Variants in FAT2 observed in about 807,000 individuals in gnomAD.
The protein encoded by FAT2 is FAT atypical cadherin 2.
In FAT2, 150 loss-of-function variants were observed where a neutral mutation model predicts 295.3. The observed-to-expected ratio is 0.51, with a 90% CI of 0.44 to 0.58. The LOEUF (loss-of-function observed/expected upper bound fraction) is 0.58. FAT2 is among the 20% of genes least tolerant of loss of function. FAT2 has a pLI of 0.00. For synonymous variants in FAT2, 2,026 were observed against 2,150.3 expected, an observed-to-expected ratio of 0.94 and a Z score of 1.60; for missense variants, 4,868 against 5,442.7, an observed-to-expected ratio of 0.89 and a Z score of 3.32.
chr5:151,513,888 A>G (rs1000606738), intron 20 of FAT2, among the ~76,000 whole-genome samples: 1 of 152,238 alleles, frequency 6.6e-6, no homozygotes, highest in Non-Finnish European at 1.5e-5. Flanking sequence ...TATAACCCAC[A>G]TAACCAAAAC....
intron 1 of FAT2, among the ~76,000 whole-genome samples, chr5:151,587,986 C>T (rs541245221): frequency 3.3e-5 from 5 of 152,282 alleles, no homozygotes; most frequent in South Asian, 4.1e-4. Context: ...CCAACCCAGG[C>T]AAACTGGCTG....
intron 22 of FAT2, among the ~76,000 whole-genome samples, chr5:151,507,900 C>T (rs1448755753): frequency 1.3e-5 from 2 of 152,156 alleles, no homozygotes; most frequent in African/African-American, 4.8e-5. Context: ...ATCATGAGGT[C>T]GGATTTCCTC....
At position 151,567,290 on chromosome 5, in the gene FAT2, C is replaced by T; in HGVS notation, c.1642G>A (p.Val548Met). ...TTCCTGAGCTGAAGAAAAATGGACA[C>T]TTCCTTCTCCCGGCGAAAAGGGGAT... The part of the protein sequence containing the change: ...WGSPFRREKE[V>M]SIFLQLRNLN... The change falls in exon 2 of 24, where the codon GTG becomes ATG. Residue 548 changes from valine (V) to methionine (M), a missense_variant. By Grantham distance (21) the Val-to-Met change is conservative. Coordinates refer to ENST00000261800, the MANE Select transcript of FAT2 (RefSeq NM_001447.3). 6.2e-7 allele frequency: 1 copy of T among 1,614,098 alleles called. No individual in the cohort carries two copies. Among genetic ancestry groups the T allele is most frequent in the East Asian group, 2.2e-5 (1 of 44,892 alleles).
intron 1 of FAT2, among the ~76,000 whole-genome samples, chr5:151,588,440 C>A (rs1050875546): frequency 6.6e-6 from 1 of 152,202 alleles, no homozygotes; most frequent in Non-Finnish European, 1.5e-5. Flanking sequence ...TGAGGCCTCA[C>A]CGTTACCAAC....
At position 151,568,674 on chromosome 5, in the gene FAT2, C is replaced by A. The variant is rs2127650544; in HGVS notation, c.258G>T (p.Glu86Asp). 1 of 1,614,216 alleles carries A rather than the reference C, an allele frequency of 6.2e-7. No homozygotes were observed. Among genetic ancestry groups the A allele is most frequent in the Non-Finnish European group, 8.5e-7 (1 of 1,180,048 alleles). The change falls in exon 2 of 24, where the codon GAG becomes GAT. Residue 86 changes from glutamate to aspartate, a missense_variant. Around this residue, in one of 5 missense-constraint regions of FAT2, gnomAD observed 3,297 missense variants for 3,669.4 expected, o/e 0.90. Coordinates refer to ENST00000261800, the MANE Select transcript of FAT2 (RefSeq NM_001447.3). Reference sequence around the variant, plus strand: ...GGAAGCAGAAGTTGCCCACCACATACTCCTCAGTTTTAAATACATTGGCCA... The same window carrying A: ...GGAAGCAGAAGTTGCCCACCACATAATCCTCAGTTTTAAATACATTGGCCA... ...GDVANVFKTE[E>D]YVVGNFCFLR...
chr5:151,549,263 C>T (rs370108468), intron 9 of FAT2, 32 bp downstream of exon 9: 7 of 1,600,088 alleles, frequency 4.4e-6, no homozygotes, highest in Non-Finnish European at 6.0e-6. Context: ...GCATCTTGAC[C>T]CATCCTCTGA....
Position 151,512,097 on chromosome 5 carries a change from C to A in FAT2, c.11905+68G>T. 6.8e-7 allele frequency: 1 copy of A among 1,468,070 alleles called. No individual in the cohort carries two copies. The highest frequency in any genetic ancestry group is 9.3e-7 in the Non-Finnish European group (1 of 1,076,076). 90.9% of individuals were successfully genotyped at this position (1,468,070 alleles called of 1,614,324 possible). A position where few individuals can be genotyped will look rare whatever the true frequency, so the allele number is the denominator to read the frequency against. ...GGAGGCTCTGAGATCTCCACCCTGA[C>A]ATGCTTTTCCCACCTGAAGAGCCTT... On this transcript the variant is annotated intron_variant, in intron 21 of 23. Coordinates refer to ENST00000261800, the MANE Select transcript of FAT2 (RefSeq NM_001447.3). The surrounding 1 kb of genome is among the most constrained non-coding windows in gnomAD (Gnocchi z 4.1).
At chr5:151,525,684 C>T in intron 18 of FAT2, 84 bp downstream of exon 18, 1 of 1,491,694 alleles carries the variant, frequency 6.7e-7, no homozygotes, top group Non-Finnish European at 9.3e-7. Context: ...CATTTTTTCC[C>T]TAATGACAGA....
Position 151,529,313 on chromosome 5 carries a change from G to C in FAT2, c.9891C>G (p.Ser3297Arg). Residue 3297 changes from serine to arginine, a missense_variant, in exon 15 of 24, where the codon AGC becomes AGG. Physicochemically the swap from Ser to Arg is moderately radical, Grantham distance 110. Transcript: ENST00000261800. The stretch of plus-strand genomic sequence containing the variant: ...TGGTCACGTCACTGAGGGAAGAGGA[G>C]CTCTTCCGGCTGCACTCAATGGACA... ...YFLSIECSRKSSSSLSDVTTV... is the reference protein window; with the variant it reads ...YFLSIECSRKRSSSLSDVTTV... 6.2e-7 allele frequency: 1 copy of C among 1,613,958 alleles called. No individual in the cohort carries two copies. Among genetic ancestry groups the C allele is most frequent in the Non-Finnish European group, 8.5e-7 (1 of 1,179,856 alleles).
chr5:151,532,475 T>C (rs995339251), intron 13 of FAT2, among the ~76,000 whole-genome samples: 4 of 152,152 alleles, frequency 2.6e-5, no homozygotes, highest in Non-Finnish European at 4.4e-5. Flanking sequence ...GTAGTCTAGT[T>C]ACCAACAATG....
chr5:151,562,211 G>T (rs1040910830), intron 3 of FAT2, among the ~76,000 whole-genome samples: 1 of 152,128 alleles, frequency 6.6e-6, no homozygotes, highest in African/African-American at 2.4e-5. Context: ...CCTCCTCCTG[G>T]TTACCTTTTG....
intron 1 of FAT2, among the ~76,000 whole-genome samples, chr5:151,578,728 G>T: frequency 6.6e-6 from 1 of 152,216 alleles, no homozygotes; most frequent in East Asian, 1.9e-4. Context: ...ATGTCCATCA[G>T]TAGATGAATG....
rs1754627533 is a variant in FAT2 at position 151,531,704 on chromosome 5, G to A, written c.9694C>T (p.Pro3232Ser). ...AGCTGCAGCACCTCCGTGCCAGGTG[G>A]GGCGTCCTCGGGCACCTGCACGCTG... ...EHSVQVPEDA[P>S]PGTEVLQLAT... Residue 3232 changes from proline (P) to serine (S), a missense_variant, in exon 14 of 24, where the codon CCA (proline) becomes TCA (serine). Physicochemically the swap from Pro to Ser is moderately conservative, Grantham distance 74 (BLOSUM62 -1). This residue lies in a region of FAT2 where 1,046 missense variants were observed against 1,210.1 expected (regional missense o/e 0.86). Transcript: ENST00000261800. This position sits in a 1 kb window ranked among gnomAD's most constrained non-coding sequence, Gnocchi z 5.7. The A allele has an allele frequency of 4.3e-6, 7 of 1,613,846 alleles. No individual in the cohort carries two copies. The highest frequency in any genetic ancestry group is 4.2e-6 in the Non-Finnish European group (5 of 1,179,918).
chr5:151,545,397 G>A lies in FAT2; in HGVS notation c.5730C>T (p.Gly1910=). The change falls in exon 10 of 24, where the codon GGC becomes GGT. Residue 1910 remains glycine (G), a synonymous_variant. Transcript: ENST00000261800. ...GGATGGTAACAGCTTCATCAGCATT[G>A]CCAGTTTTGATGCTATAATTGACTT... The part of the protein sequence containing the change: ...DSEVNYSIKT[G]NADEAVTIHP... The A allele has an allele frequency of 6.2e-7, 1 of 1,614,148 alleles. No homozygotes were observed. The highest frequency in any genetic ancestry group is 8.5e-7 in the Non-Finnish European group (1 of 1,180,024).
intron 1 of FAT2, among the ~76,000 whole-genome samples, chr5:151,580,472 T>A (rs1231019599): frequency 6.6e-6 from 1 of 152,238 alleles, no homozygotes; most frequent in Non-Finnish European, 1.5e-5. Flanking sequence ...GTGGTTGTTA[T>A]TACCATTGCA....
Position 151,507,348 on chromosome 5 carries a change from G to A in FAT2, c.12323C>T (p.Ala4108Val), listed in dbSNP as rs545597751. Residue 4108 changes from alanine (A) to valine (V), a missense_variant, in exon 23 of 24, where the codon GCC (alanine) becomes GTC (valine). By Grantham distance (64) the Ala-to-Val change is moderately conservative. This residue lies in a region of FAT2 where 492 missense variants were observed against 482.6 expected (regional missense o/e 1.02). Transcript: ENST00000261800. ...TTGGTTGAGGTTGTTGCAGGAGCTGGCACTCAATGGGTTGAGCTCGATGGC... is the reference window on the plus strand; with the variant it reads ...TTGGTTGAGGTTGTTGCAGGAGCTGACACTCAATGGGTTGAGCTCGATGGC... ...MPAIELNPLS[A>V]SSCNNLNQPE... 32 of 1,614,190 alleles carry A rather than the reference G, an allele frequency of 2.0e-5. No homozygotes were observed. The African/African-American group carries it at 4.0e-4, about 20-fold the overall frequency.
chr5:151,566,030 C>T lies in FAT2; in HGVS notation c.2902G>A (p.Ala968Thr), dbSNP rs149531804. 6.0e-5 allele frequency: 97 copies of T among 1,613,996 alleles called. No individual in the cohort carries two copies. Among genetic ancestry groups the T allele is most frequent in the African/African-American group, 1.5e-4 (11 of 74,912 alleles). Residue 968 changes from alanine (A) to threonine (T), a missense_variant, in exon 2 of 24, where the codon GCC (alanine) becomes ACC (threonine). Ala to Thr is a moderately conservative substitution (Grantham distance 58). Coordinates refer to ENST00000261800, the MANE Select transcript of FAT2 (RefSeq NM_001447.3). ...GEVRYVLMDG[A>T]HGTFRVDLMT... is the part of the protein sequence containing the mutation. ...AGGTCCACCCGGAAGGTCCCATGGGCGCCATCCATCAGAACATATCGCACT... is the reference window on the plus strand; with the variant it reads ...AGGTCCACCCGGAAGGTCCCATGGGTGCCATCCATCAGAACATATCGCACT...
In FAT2 at chr5:151,545,616, T is replaced by C. The variant is rs1756547049; in HGVS notation, c.5511A>G (p.Gln1837=). The change falls in exon 10 of 24, where the codon CAA becomes CAG. Residue 1837 remains glutamine (Q), a synonymous_variant. Coordinates refer to ENST00000261800, the MANE Select transcript of FAT2 (RefSeq NM_001447.3). ...CTTGGTCATGGACATAGACACAGAA[T>C]TGGAAAGAGGGCATGCTCTCATAAT... ...EMDYESMPSF[Q]FCVYVHDQGS... is the part of the protein sequence containing the mutation. 4.3e-6 allele frequency: 7 copies of C among 1,614,012 alleles called. No individual in the cohort carries two copies. The highest frequency in any genetic ancestry group is 5.9e-6 in the Non-Finnish European group (7 of 1,179,958).
rs552644237 is a variant in FAT2 at position 151,553,201 on chromosome 5, C to T, written c.4132G>A (p.Gly1378Arg). ...VGVISVEGRP[G>R]LFWFNISGGD... ...CCTGAGATGTTGAACCAGAAGAGTCCGGGTCTGCCCTCTACGCTGATGACC... is the reference window on the plus strand; with the variant it reads ...CCTGAGATGTTGAACCAGAAGAGTCTGGGTCTGCCCTCTACGCTGATGACC... Residue 1378 changes from glycine (G) to arginine (R), a missense_variant, in exon 6 of 24, where the codon GGA becomes AGA. Physicochemically the swap from Gly to Arg is moderately radical, Grantham distance 125. Around this residue, in one of 5 missense-constraint regions of FAT2, gnomAD observed 3,297 missense variants for 3,669.4 expected, o/e 0.90. Transcript: ENST00000261800. 15 of 1,614,094 alleles carry T rather than the reference C, an allele frequency of 9.3e-6. No individual in the cohort carries two copies. The highest frequency in any genetic ancestry group is 4.5e-5 in the East Asian group (2 of 44,894).
Sources: allele counts gnomAD v4.1 joint callset (sites outside exome capture counted in the v4.1 genomes callset), GRCh38; gene constraint gnomAD v4.1.1; regional missense constraint gnomAD v4.1.1; non-coding constraint Gnocchi (gnomAD v3.1); transcripts MANE v1.5; gene names NCBI Gene and HGNC (gene_info 2026-07-23, HGNC 2026-07-21).